Variants in KCNMB2 observed in about 807,000 individuals in gnomAD.
The protein encoded by KCNMB2 is potassium calcium-activated channel subfamily M regulatory beta subunit 2.
Under a neutral mutation model 24.5 loss-of-function variants are expected in KCNMB2, and 9 were observed. The ratio of observed to expected loss-of-function variants is 0.37; its 90% CI spans 0.22 to 0.64. KCNMB2 has a LOEUF of 0.64. Ranked by LOEUF, KCNMB2 falls within the 30% of genes least tolerant of loss-of-function variation. KCNMB2 has a pLI of 0.63. For synonymous variants in KCNMB2, 109 were observed against 104.4 expected, an observed-to-expected ratio of 1.04 and a Z score of -0.27; for missense variants, 226 against 284.3, an observed-to-expected ratio of 0.79 and a Z score of 1.47.
At chr3:178,817,228 A>ATATATATATATATATATATATATATATAT (rs1553781212) in intron 2 of KCNMB2, among the ~76,000 whole-genome samples, 4 of 102,436 alleles carry the variant, frequency 3.9e-5, no homozygotes, top group African/African-American at 1.6e-4. Context: ...TATATATATA[A>ATATATATATATATATATATATATATATAT]ATGAAGTGTG....
At chr3:178,787,626 T>G (rs1332330784) in intron 1 of KCNMB2, among the ~76,000 whole-genome samples, 2 of 152,138 alleles carry the variant, frequency 1.3e-5, no homozygotes, top group African/African-American at 4.8e-5. Flanking sequence ...TTTCTTGTCT[T>G]TTTCTCATCC....
chr3:178,699,957 C>A (rs1031829487), intron 1 of KCNMB2, among the ~76,000 whole-genome samples: 1 of 152,176 alleles, frequency 6.6e-6, no homozygotes, highest in Non-Finnish European at 1.5e-5. Flanking sequence ...CACCAGTTCC[C>A]CTGGAGCTGT....
chr3:178,542,067 A>G (rs1715638966), intron 1 of KCNMB2, among the ~76,000 whole-genome samples: 1 of 152,208 alleles, frequency 6.6e-6, no homozygotes, highest in Admixed American at 6.5e-5. Flanking sequence ...CACGTGTGTC[A>G]GGGATGAGGA....
At chr3:178,572,196 A>C (rs1030347714) in intron 1 of KCNMB2, among the ~76,000 whole-genome samples, 4 of 152,212 alleles carry the variant, frequency 2.6e-5, no homozygotes, top group African/African-American at 9.7e-5. Flanking sequence ...TTTTTGTGTG[A>C]GTGAGTATGA....
intron 1 of KCNMB2, among the ~76,000 whole-genome samples, chr3:178,779,773 T>C (rs549667669): frequency 2.5e-4 from 38 of 152,142 alleles, no homozygotes; most frequent in Non-Finnish European, 4.0e-4. Context: ...TTGTTCTCTT[T>C]TTGATAATAA....
intron 1 of KCNMB2, among the ~76,000 whole-genome samples, chr3:178,751,639 A>C (rs549898152): frequency 2.1e-5 from 3 of 144,500 alleles, no homozygotes; most frequent in African/African-American, 7.4e-5. Flanking sequence ...AGATTATTTT[A>C]GAGCAAATGG....
At position 178,597,915 on chromosome 3, in the gene KCNMB2, G is replaced by A. The variant is rs192564887; in HGVS notation, c.-68+61204G>A. ...GTGTTGGCTCTTAAATATCTCAAAA[G>A]TTAAAAAATTGGGGTGGGAGGAAGA... On this transcript the variant is annotated intron_variant, in intron 1 of 4. Transcript: ENST00000452583. Among the ~76,000 whole-genome samples the A allele has an allele frequency of 4.3e-3, 651 of 152,064 alleles. 9 individuals are homozygous for A. Among genetic ancestry groups the A allele is most frequent in the African/African-American group, 0.015 (605 of 41,464 alleles).
chr3:178,736,562 G>T (rs775340565), intron 1 of KCNMB2, among the ~76,000 whole-genome samples: 1 of 152,112 alleles, frequency 6.6e-6, no homozygotes, highest in Admixed American at 6.6e-5. Flanking sequence ...CTCTGCCCAC[G>T]CTGTAACCGG....
chr3:178,798,909 T>C (rs1713663109), intron 1 of KCNMB2, among the ~76,000 whole-genome samples: 1 of 149,422 alleles, frequency 6.7e-6, no homozygotes, highest in Non-Finnish European at 1.5e-5. Context: ...AAAAAAGAAA[T>C]AAAAATAAAC....
At chr3:178,559,501 T>C (rs542559117) in intron 1 of KCNMB2, among the ~76,000 whole-genome samples, 1 of 151,984 alleles carries the variant, frequency 6.6e-6, no homozygotes, top group Admixed American at 6.6e-5. Context: ...TATAAGCATC[T>C]AGATGACTCT....
chr3:178,762,790 GTTA>G (rs766525906), intron 1 of KCNMB2, among the ~76,000 whole-genome samples: 3 of 148,974 alleles, frequency 2.0e-5, no homozygotes, highest in South Asian at 4.2e-4. Context: ...GAAATTAAAA[GTTA>G]TTATAAAATT....
chr3:178,634,826 C>T lies in KCNMB2; in HGVS notation c.-68+98115C>T, dbSNP rs192116025. On this transcript the variant is annotated intron_variant, in intron 1 of 4. Transcript: ENST00000452583. Reference sequence around the variant, plus strand: ...TGAGTGCCTATGACCCTGAAGGCCTCTATAACTGTATATTTGTTTGAATTG... The same window carrying T: ...TGAGTGCCTATGACCCTGAAGGCCTTTATAACTGTATATTTGTTTGAATTG... Among the ~76,000 whole-genome samples the T allele has an allele frequency of 5.1e-4, 77 of 152,216 alleles. 1 individual carries two copies. Among genetic ancestry groups the T allele is most frequent in the African/African-American group, 1.8e-3 (75 of 41,518 alleles).
intron 1 of KCNMB2, among the ~76,000 whole-genome samples, chr3:178,662,834 A>G (rs1317437308): frequency 6.6e-6 from 1 of 152,162 alleles, no homozygotes; most frequent in Non-Finnish European, 1.5e-5. Flanking sequence ...CAGCAACCCC[A>G]AATTACTAAA....
intron 1 of KCNMB2, among the ~76,000 whole-genome samples, chr3:178,632,317 A>G (rs1173071410): frequency 2.0e-5 from 3 of 152,224 alleles, no homozygotes; most frequent in African/African-American, 7.2e-5. Context: ...CCCATGGTGT[A>G]TTAGTCCATT....
At chr3:178,604,234 T>G (rs777056806) in intron 1 of KCNMB2, among the ~76,000 whole-genome samples, 1 of 152,100 alleles carries the variant, frequency 6.6e-6, no homozygotes. Flanking sequence ...AGAACTGACA[T>G]GCAACTGGAG....
intron 4 of KCNMB2, among the ~76,000 whole-genome samples, chr3:178,834,053 C>T (rs958538655): frequency 6.6e-6 from 1 of 152,144 alleles, no homozygotes; most frequent in Non-Finnish European, 1.5e-5. Flanking sequence ...CAGGAATTCC[C>T]AAAACATGCC....
At chr3:178,716,938 T>C (rs1031669100) in intron 1 of KCNMB2, among the ~76,000 whole-genome samples, 3 of 151,744 alleles carry the variant, frequency 2.0e-5, no homozygotes, top group African/African-American at 7.3e-5. Flanking sequence ...CATAGTAGAG[T>C]CAGTCTTTAG....
At chr3:178,793,939 T>C (rs980414793) in intron 1 of KCNMB2, among the ~76,000 whole-genome samples, 1 of 152,094 alleles carries the variant, frequency 6.6e-6, no homozygotes, top group Non-Finnish European at 1.5e-5. Context: ...AGCAGAGACC[T>C]TTCTGCACTG....
chr3:178,798,073 A>T (rs1353609054), intron 1 of KCNMB2, among the ~76,000 whole-genome samples: 1 of 152,168 alleles, frequency 6.6e-6, no homozygotes, highest in Non-Finnish European at 1.5e-5. Flanking sequence ...GGATCATGTC[A>T]TGTGCAAACA....
Sources: gnomAD v4.1 joint callset for allele counts (sites outside exome capture counted in the v4.1 genomes callset) on GRCh38, gnomAD v4.1.1 for gene constraint, MANE v1.5 for transcripts, NCBI Gene and HGNC (gene_info 2026-07-23, HGNC 2026-07-21) for gene names.